Variants in VEPH1 observed in about 807,000 individuals in gnomAD.
VEPH1 encodes ventricular zone-expressed PH domain-containing protein homolog 1.
A neutral mutation model predicts 85.2 loss-of-function variants in VEPH1; 80 were observed. The ratio of observed to expected loss-of-function variants is 0.94; its 90% CI spans 0.78 to 1.13. VEPH1 has a LOEUF of 1.13. VEPH1 is among the 50% of genes most tolerant of loss of function. VEPH1 has a pLI of 0.00. For synonymous variants in VEPH1, 297 were observed against 348.0 expected, an observed-to-expected ratio of 0.85 and a Z score of 1.63; for missense variants, 955 against 980.5, an observed-to-expected ratio of 0.97 and a Z score of 0.35.
chr3:157,395,211 G>T (rs1316380820), intron 6 of VEPH1, among the ~76,000 whole-genome samples: 1 of 152,166 alleles, frequency 6.6e-6, no homozygotes, highest in East Asian at 1.9e-4. Flanking sequence ...CTTGGCAGAA[G>T]AATTGCATGT....
intron 4 of VEPH1, among the ~76,000 whole-genome samples, chr3:157,449,147 G>A (rs969228839): frequency 1.3e-5 from 2 of 152,128 alleles, no homozygotes; most frequent in Non-Finnish European, 2.9e-5. Flanking sequence ...CATGAAAATG[G>A]ACTAATACAC....
At chr3:157,447,689 G>A (rs1734656487) in intron 4 of VEPH1, among the ~76,000 whole-genome samples, 1 of 150,988 alleles carries the variant, frequency 6.6e-6, no homozygotes, top group Non-Finnish European at 1.5e-5. Context: ...CTGCCTCCCA[G>A]GTTCAAGTGA....
intron 6 of VEPH1, among the ~76,000 whole-genome samples, chr3:157,395,403 C>T (rs537924313): frequency 3.3e-5 from 5 of 152,188 alleles, no homozygotes; most frequent in Non-Finnish European, 5.9e-5. Context: ...GGGCAGTCAG[C>T]GATGGCAGTA....
chr3:157,352,548 T>C (rs1724980071), intron 9 of VEPH1, among the ~76,000 whole-genome samples: 1 of 152,210 alleles, frequency 6.6e-6, no homozygotes, highest in Non-Finnish European at 1.5e-5. Flanking sequence ...CTATGAACAA[T>C]CTGGCTTATT....
chr3:157,348,420 T>G (rs1724483676), intron 9 of VEPH1, among the ~76,000 whole-genome samples: 1 of 152,188 alleles, frequency 6.6e-6, no homozygotes, highest in African/African-American at 2.4e-5. Context: ...TTGTTATTTT[T>G]TTTTTCTTTT....
At chr3:157,359,302 C>T (rs1320020396) in intron 9 of VEPH1, among the ~76,000 whole-genome samples, 1 of 152,152 alleles carries the variant, frequency 6.6e-6, no homozygotes, top group Non-Finnish European at 1.5e-5. Context: ...GCCAATGATT[C>T]GGATTTTTAA....
At chr3:157,415,882 T>A (rs1731878104) in intron 5 of VEPH1, among the ~76,000 whole-genome samples, 1 of 152,100 alleles carries the variant, frequency 6.6e-6, no homozygotes, top group African/African-American at 2.4e-5. Context: ...AGATGAACTG[T>A]TATTTCCTTA....
intron 5 of VEPH1, among the ~76,000 whole-genome samples, chr3:157,428,040 C>T (rs1732878183): frequency 6.6e-6 from 1 of 152,160 alleles, no homozygotes; most frequent in African/African-American, 2.4e-5. Context: ...GTAACTTATG[C>T]CATCAGCTCT....
Position 157,470,209 on chromosome 3 carries a change from G to A in VEPH1, c.354+105C>T, listed in dbSNP as rs1346446088. On this transcript the variant is annotated intron_variant, in intron 3 of 13. Coordinates refer to ENST00000362010, the MANE Select transcript of VEPH1 (RefSeq NM_001167912.2). ...TGATGGCTTGTAGTGTCTTTTTACA[G>A]TATCTAAATGCTGCAGAAGCATTGG... is the stretch of plus-strand genomic sequence containing the variant. 5.8e-6 allele frequency: 6 copies of A among 1,026,600 alleles called. No individual in the cohort carries two copies. In the Admixed American group the frequency reaches 1.3e-4, roughly 22 times the overall value. 63.6% of individuals were successfully genotyped at this position (1,026,600 alleles called of 1,614,324 possible).
intron 9 of VEPH1, among the ~76,000 whole-genome samples, chr3:157,325,557 T>C (rs1721810121): frequency 6.6e-6 from 1 of 152,210 alleles, no homozygotes; most frequent in African/African-American, 2.4e-5. Context: ...TTTCGTCATA[T>C]GGCCAGCCAG....
chr3:157,330,203 TTAAA>T (rs1366574409), intron 9 of VEPH1, among the ~76,000 whole-genome samples: 1 of 152,218 alleles, frequency 6.6e-6, no homozygotes, highest in East Asian at 1.9e-4. Context: ...CACTTTGAAA[TTAAA>T]TAAAGTGTTT....
chr3:157,359,029 A>C (rs1023878705), intron 9 of VEPH1, among the ~76,000 whole-genome samples: 5 of 152,086 alleles, frequency 3.3e-5, no homozygotes, highest in Non-Finnish European at 7.4e-5. Flanking sequence ...AAGAAAAATC[A>C]ACTTGTGTGG....
At chr3:157,369,180 GAAAAAAAAAA>G (rs58451868) in intron 7 of VEPH1, among the ~76,000 whole-genome samples, 12 of 42,782 alleles carry the variant, frequency 2.8e-4, no homozygotes, top group East Asian at 1.4e-3. Flanking sequence ...AAAACCAAAT[GAAAAAAAAAA>G]AAAAAAAAAA....
At chr3:157,500,447 C>T (rs1740012401) in intron 1 of VEPH1, among the ~76,000 whole-genome samples, 1 of 152,148 alleles carries the variant, frequency 6.6e-6, no homozygotes, top group African/African-American at 2.4e-5. Flanking sequence ...TAAACCAGGT[C>T]ATATGTTCCA....
intron 12 of VEPH1, among the ~76,000 whole-genome samples, chr3:157,275,459 C>A (rs1161942588): frequency 6.6e-6 from 1 of 151,924 alleles, no homozygotes; most frequent in African/African-American, 2.4e-5. Flanking sequence ...GCCTGTAGTC[C>A]CAGCTACTCG....
intron 11 of VEPH1, among the ~76,000 whole-genome samples, chr3:157,298,855 G>A (rs1227607665): frequency 6.6e-6 from 1 of 152,082 alleles, no homozygotes; most frequent in Non-Finnish European, 1.5e-5. Context: ...AGGGTAATAT[G>A]TCCCTACAAC....
intron 6 of VEPH1, among the ~76,000 whole-genome samples, chr3:157,411,827 C>G (rs1198499030): frequency 3.3e-4 from 50 of 152,192 alleles, no homozygotes; most frequent in Non-Finnish European, 1.5e-5. Context: ...CTGGTACCCA[C>G]TGAGAGTCAT....
Position 157,381,273 on chromosome 3 carries a change from GTGT to G in VEPH1, c.1007_1009del (p.Asp336_Thr337delinsAla). ...CTGAGGGCCCAAGATTGAGGAGAAG[GTGT>G]CGGTGATGCTTTTAATCTCCAGCAG... On this transcript the variant is annotated inframe_deletion, in exon 7 of 14. Coordinates refer to ENST00000362010, the MANE Select transcript of VEPH1 (RefSeq NM_001167912.2). 1 of 1,376,980 alleles carries G rather than the reference GTGT, an allele frequency of 7.3e-7. No individual in the cohort carries two copies. Among genetic ancestry groups the G allele is most frequent in the Non-Finnish European group, 1.0e-6 (1 of 965,478 alleles). 85.3% of individuals were successfully genotyped at this position (1,376,980 alleles called of 1,614,324 possible).
intron 2 of VEPH1, among the ~76,000 whole-genome samples, chr3:157,485,735 TA>T (rs1321863069): frequency 6.6e-6 from 1 of 152,012 alleles, no homozygotes. Context: ...TTTGATTATT[TA>T]AAAAATCTAC....
Sources: gnomAD v4.1 joint callset for allele counts (sites outside exome capture counted in the v4.1 genomes callset) on GRCh38, gnomAD v4.1.1 for gene constraint, MANE v1.5 for transcripts, NCBI Gene and HGNC (gene_info 2026-07-23, HGNC 2026-07-21) for gene names.